Variants in DMRT1 observed in about 807,000 individuals in gnomAD.
DMRT1 encodes doublesex and mab-3 related transcription factor 1.
In DMRT1, 7 loss-of-function variants were observed where a neutral mutation model predicts 32.3. The observed-to-expected ratio is 0.22, with a 90% CI of 0.12 to 0.41. The LOEUF is 0.41. Ranked by LOEUF, DMRT1 falls within the 10% of genes least tolerant of loss-of-function variation. The pLI is 1.00. For missense variants in DMRT1, 625 were observed against 500.5 expected, an observed-to-expected ratio of 1.25 and a Z score of -2.37; for synonymous variants, 278 against 206.1, an observed-to-expected ratio of 1.35 and a Z score of -2.99.
intron 2 of DMRT1, among the ~76,000 whole-genome samples, chr9:862,767 AG>A (rs558817945): frequency 2.1e-3 from 319 of 148,532 alleles, no homozygotes; most frequent in African/African-American, 7.7e-3. Context: ...TTCCCTTCTG[AG>A]AGTGGCTGCT....
chr9:925,595 C>T (rs1818496245), intron 4 of DMRT1, among the ~76,000 whole-genome samples: 1 of 152,200 alleles, frequency 6.6e-6, no homozygotes, highest in African/African-American at 2.4e-5. Context: ...ACTCAGATCC[C>T]TGAATTACTT....
chr9:930,873 A>G (rs761341891), intron 4 of DMRT1, among the ~76,000 whole-genome samples: 8 of 152,222 alleles, frequency 5.3e-5, no homozygotes, highest in Non-Finnish European at 1.0e-4. Context: ...TCATTAAAAT[A>G]TAACTCATAT....
intron 2 of DMRT1, among the ~76,000 whole-genome samples, chr9:885,335 A>C (rs1161844609): frequency 6.6e-6 from 1 of 152,240 alleles, no homozygotes; most frequent in African/African-American, 2.4e-5. Context: ...TTGGTGTACC[A>C]AAAGAATGAG....
rs1484398655 is a variant in DMRT1, at chr9:969,088, G to GA, written c.*951dup. 2 of 152,586 alleles carry GA rather than the reference G, an allele frequency of 1.3e-5. No individual in the cohort carries two copies. The highest frequency in any genetic ancestry group is 4.1e-4 in the South Asian group (2 of 4,822). 9.5% of individuals were successfully genotyped at this position (152,586 alleles called of 1,614,324 possible). ...TGAAATAAAAATGTTATTGATGACT[G>GA]AATTTTCTTGTGTGTATATTTGGTG... On this transcript the variant is annotated 3_prime_UTR_variant, in exon 5 of 5. Transcript: ENST00000382276.
chr9:845,272 C>T (rs1366596611), intron 1 of DMRT1, among the ~76,000 whole-genome samples: 1 of 151,712 alleles, frequency 6.6e-6, no homozygotes, highest in African/African-American at 2.4e-5. Context: ...TGCAGTGGCT[C>T]GATTTCGGCT....
chr9:866,056 C>A (rs964111831), intron 2 of DMRT1, among the ~76,000 whole-genome samples: 1 of 146,492 alleles, frequency 6.8e-6, no homozygotes. Context: ...CCCAGCTGCT[C>A]AGGAGGCTGA....
At chr9:864,224 T>C (rs1418392182) in intron 2 of DMRT1, among the ~76,000 whole-genome samples, 1 of 151,708 alleles carries the variant, frequency 6.6e-6, no homozygotes, top group Non-Finnish European at 1.5e-5. Flanking sequence ...TTTTTTTTTT[T>C]TGAGACAGTC....
chr9:847,357 T>C (rs115438155), intron 2 of DMRT1, among the ~76,000 whole-genome samples: 2,517 of 152,302 alleles, frequency 0.017, 60 homozygotes, highest in African/African-American at 0.051. Context: ...TTCCTGTTGG[T>C]TATTAGTCAA....
chr9:853,919 C>T (rs1418107711), intron 2 of DMRT1, among the ~76,000 whole-genome samples: 1 of 152,074 alleles, frequency 6.6e-6, no homozygotes, highest in Non-Finnish European at 1.5e-5. Flanking sequence ...CCTCAGCCTC[C>T]CGAGCAGTTA....
intron 2 of DMRT1, among the ~76,000 whole-genome samples, chr9:859,946 CT>C (rs1815581104): frequency 6.6e-6 from 1 of 152,172 alleles, no homozygotes; most frequent in African/African-American, 2.4e-5. Context: ...GATTTCAGAA[CT>C]TATAAAAATT....
chr9:903,835 G>T (rs566778006), intron 3 of DMRT1, among the ~76,000 whole-genome samples: 2 of 152,208 alleles, frequency 1.3e-5, no homozygotes, highest in African/African-American at 4.8e-5. Flanking sequence ...CATCCTAAGG[G>T]ATTGTTTTTT....
intron 4 of DMRT1, among the ~76,000 whole-genome samples, chr9:930,619 A>G (rs1030001352): frequency 6.6e-6 from 1 of 152,042 alleles, no homozygotes; most frequent in Non-Finnish European, 1.5e-5. Context: ...CATGTTAGCC[A>G]GGATGGTCTC....
At chr9:875,176 C>T (rs927509586) in intron 2 of DMRT1, among the ~76,000 whole-genome samples, 1 of 152,074 alleles carries the variant, frequency 6.6e-6, no homozygotes, top group Non-Finnish European at 1.5e-5. Flanking sequence ...ATGGCCCTTC[C>T]CTCATTGTAA....
chr9:871,955 C>G (rs750907757), intron 2 of DMRT1, among the ~76,000 whole-genome samples: 2 of 151,470 alleles, frequency 1.3e-5, no homozygotes, highest in African/African-American at 2.5e-5. Flanking sequence ...CTCTATATAC[C>G]TATTTACATT....
At chr9:865,577 G>A (rs528825121) in intron 2 of DMRT1, among the ~76,000 whole-genome samples, 178 of 152,258 alleles carry the variant, frequency 1.2e-3, no homozygotes, top group African/African-American at 4.1e-3. Context: ...AGATGAATGA[G>A]CCCGGATATG....
intron 2 of DMRT1, among the ~76,000 whole-genome samples, chr9:853,037 A>G (rs1287906110): frequency 1.3e-5 from 2 of 152,234 alleles, no homozygotes; most frequent in African/African-American, 4.8e-5. Flanking sequence ...AGTAAGAGAT[A>G]TGGCTGGTGA....
chr9:890,175 C>T (rs1412963500), intron 2 of DMRT1, among the ~76,000 whole-genome samples: 1 of 142,020 alleles, frequency 7.0e-6, no homozygotes, highest in Non-Finnish European at 1.5e-5. Flanking sequence ...GCCGACTGAG[C>T]TGAGATCTCA....
intron 4 of DMRT1, among the ~76,000 whole-genome samples, chr9:952,068 A>T (rs577345535): frequency 1.3e-5 from 2 of 152,258 alleles, no homozygotes; most frequent in Admixed American, 1.3e-4. Flanking sequence ...CTGTTAAATG[A>T]TTGCCCAGGG....
chr9:880,836 C>T (rs535767681), intron 2 of DMRT1, among the ~76,000 whole-genome samples: 236 of 152,190 alleles, frequency 1.6e-3, no homozygotes, highest in Middle Eastern at 6.8e-3. Context: ...CATCAGTGCC[C>T]GTCACCACAG....
Sources: gnomAD v4.1 joint callset for allele counts (sites outside exome capture counted in the v4.1 genomes callset) on GRCh38, gnomAD v4.1.1 for gene constraint, MANE v1.5 for transcripts, NCBI Gene and HGNC (gene_info 2026-07-23, HGNC 2026-07-21) for gene names.